The following BDH2 variants were observed in gnomAD, a reference collection of about 807,000 sequenced individuals.
BDH2 encodes 3-hydroxybutyrate dehydrogenase 2.
A neutral mutation model predicts 33.2 loss-of-function variants in BDH2; 24 were observed. The ratio of observed to expected loss-of-function variants is 0.72; its 90% CI spans 0.52 to 1.02. BDH2 has a LOEUF of 1.02. BDH2 is among the 50% of genes least tolerant of loss of function. The probability of loss-of-function intolerance (pLI) is 0.00; values close to 1 mark genes in which losing one functional copy is unlikely to be tolerated. For missense variants in BDH2, 249 were observed against 301.6 expected, an observed-to-expected ratio of 0.83 and a Z score of 1.29; for synonymous variants, 81 against 101.6, an observed-to-expected ratio of 0.80 and a Z score of 1.22.
chr4:103,090,422 C>T (rs1218714101), intron 5 of BDH2, among the ~76,000 whole-genome samples: 2 of 152,194 alleles, frequency 1.3e-5, no homozygotes, highest in African/African-American at 2.4e-5. Context: ...CTGCCCAGTA[C>T]CACTGTGGTT....
At chr4:103,090,789 G>A (rs941962228) in intron 5 of BDH2, among the ~76,000 whole-genome samples, 1 of 152,056 alleles carries the variant, frequency 6.6e-6, no homozygotes, top group Non-Finnish European at 1.5e-5. Context: ...AGTCCAGAGG[G>A]GCCGCATTGA....
At chr4:103,091,532 G>A (rs1426988446) in intron 4 of BDH2, 7 of 404,544 alleles carry the variant, frequency 1.7e-5, no homozygotes, top group Non-Finnish European at 2.8e-5. Flanking sequence ...AACATAAGAA[G>A]CTTTATATTA....
At chr4:103,093,643 TAC>T in intron 3 of BDH2, among the ~76,000 whole-genome samples, 1 of 147,190 alleles carries the variant, frequency 6.8e-6, no homozygotes, top group Admixed American at 6.8e-5. Context: ...ATATGAATAA[TAC>T]ATATAATATA....
At chr4:103,085,800 G>C (rs1195032124) in intron 6 of BDH2, 1 of 1,304,434 alleles carries the variant, frequency 7.7e-7, no homozygotes, top group Admixed American at 2.3e-5. Context: ...AATAAAACAG[G>C]AGGCCTAGGC....
chr4:103,091,324 T>A, intron 4 of BDH2, 39 bp from the exon 5 acceptor site: 2 of 1,421,650 alleles, frequency 1.4e-6, no homozygotes, highest in Non-Finnish European at 2.0e-6. Flanking sequence ...TAACTGCCAT[T>A]AAAATTTTTC....
rs115576583 is a variant in BDH2 at position 103,088,198 on chromosome 4, G to A, written c.358-1658C>T. Among the ~76,000 whole-genome samples, 555 of 152,314 alleles carry A rather than the reference G, an allele frequency of 3.6e-3. 2 individuals are homozygous for A. The highest frequency in any genetic ancestry group is 0.011 in the African/African-American group (447 of 41,556). ...GGTTCTCATAAAAAGTGTCAAGAAT[G>A]TTGGTCAAGTGTAATGGTGTTGAAA... On this transcript the variant is annotated intron_variant, in intron 5 of 9. Coordinates refer to ENST00000296424, the MANE Select transcript of BDH2 (RefSeq NM_020139.4).
intron 7 of BDH2, among the ~76,000 whole-genome samples, chr4:103,083,617 G>A (rs1747626015): frequency 6.6e-6 from 1 of 152,102 alleles, no homozygotes; most frequent in South Asian, 2.1e-4. Context: ...CCTAGAGCAC[G>A]TTACCCAGAC....
intron 9 of BDH2, among the ~76,000 whole-genome samples, chr4:103,080,623 A>T (rs536422210): frequency 6.6e-6 from 1 of 152,354 alleles, no homozygotes; most frequent in African/African-American, 2.4e-5. Context: ...TCACCAAAGA[A>T]ATACCTCCAA....
Sources: gnomAD v4.1 joint callset for allele counts (sites outside exome capture counted in the v4.1 genomes callset) on GRCh38, gnomAD v4.1.1 for gene constraint, MANE v1.5 for transcripts, NCBI Gene and HGNC (gene_info 2026-07-23, HGNC 2026-07-21) for gene names.